CSMD3: variants seen among roughly 807,000 people sequenced by gnomAD.
CSMD3 encodes CUB and sushi domain-containing protein 3.
Under a neutral mutation model 435.2 loss-of-function variants are expected in CSMD3, and 177 were observed. The ratio of observed to expected loss-of-function variants is 0.41; its 90% CI spans 0.36 to 0.46. CSMD3 has a LOEUF of 0.46. Among genes scored for constraint, CSMD3 ranks in the 20% least tolerant of loss-of-function variants. CSMD3 has a pLI of 0.34. For missense variants in CSMD3, 4,265 were observed against 4,504.6 expected (o/e 0.95, Z 1.52); for synonymous variants, 1,656 against 1,520.5 (o/e 1.09, Z -2.07).
intron 32 of CSMD3, among the ~76,000 whole-genome samples, chr8:112,469,716 C>T (rs1179704859): frequency 1.3e-5 from 2 of 152,116 alleles, no homozygotes; most frequent in Non-Finnish European, 2.9e-5. Context: ...GCTCACCTGC[C>T]ACTCACTTCC....
chr8:112,368,707 T>A (rs936878874), intron 38 of CSMD3, among the ~76,000 whole-genome samples: 3 of 152,124 alleles, frequency 2.0e-5, no homozygotes, highest in African/African-American at 7.2e-5. Context: ...GAGGAGGTTA[T>A]AAGTAGGGAT....
chr8:112,924,928 C>T (rs770043765), intron 9 of CSMD3, among the ~76,000 whole-genome samples: 9 of 152,056 alleles, frequency 5.9e-5, no homozygotes, highest in Non-Finnish European at 1.2e-4. Flanking sequence ...TCAGTTATTT[C>T]CCTCAGTTAG....
chr8:113,018,864 GAAT>G (rs2086573923), intron 6 of CSMD3, 200 bp downstream of exon 6: 1 of 576,982 alleles, frequency 1.7e-6, no homozygotes, highest in Non-Finnish European at 3.1e-6. Context: ...TCATTATTCT[GAAT>G]ATTATACTAT....
Position 112,457,603 on chromosome 8 carries a change from T to TA in CSMD3, c.5395+14987dup, listed in dbSNP as rs1482081144. On this transcript the variant is annotated intron_variant, in intron 32 of 70. Coordinates refer to ENST00000297405, the MANE Select transcript of CSMD3 (RefSeq NM_198123.2). ...TTATCCAGAGTTTTATCTAAATGTC[T>TA]AAAATGTAGAGAATGCCAGGCCAGA... is the stretch of plus-strand genomic sequence containing the variant. Among the ~76,000 whole-genome samples, 5 of 152,168 alleles carry TA rather than the reference T, an allele frequency of 3.3e-5. No individual in the cohort carries two copies. In the East Asian group the frequency reaches 9.7e-4, roughly 29 times the overall value.
chr8:113,003,792 C>T (rs1424234785), intron 6 of CSMD3, among the ~76,000 whole-genome samples: 4 of 152,034 alleles, frequency 2.6e-5, no homozygotes, highest in Non-Finnish European at 5.9e-5. Flanking sequence ...AGCATTGCTA[C>T]TATCTTCAAC....
chr8:112,823,616 T>C (rs988357780), intron 12 of CSMD3, among the ~76,000 whole-genome samples: 5 of 152,216 alleles, frequency 3.3e-5, no homozygotes, highest in African/African-American at 9.6e-5. Context: ...TCAGTTTCCA[T>C]GTAGTTGTGT....
chr8:112,695,180 T>C (rs992771259), intron 13 of CSMD3, among the ~76,000 whole-genome samples: 1 of 152,204 alleles, frequency 6.6e-6, no homozygotes, highest in African/African-American at 2.4e-5. Flanking sequence ...TCCTCTGTTA[T>C]CCACTAGCAC....
intron 22 of CSMD3, among the ~76,000 whole-genome samples, chr8:112,636,197 G>A (rs568365854): frequency 1.1e-3 from 160 of 152,004 alleles, no homozygotes; most frequent in Non-Finnish European, 2.0e-3. Flanking sequence ...GATTGAGATG[G>A]TGACTTCACG....
At chr8:112,593,718 G>A (rs151008779) in intron 22 of CSMD3, among the ~76,000 whole-genome samples, 1 of 152,254 alleles carries the variant, frequency 6.6e-6, no homozygotes, top group East Asian at 1.9e-4. Context: ...AAAGAAGGTA[G>A]TATCATGGAA....
intron 4 of CSMD3, among the ~76,000 whole-genome samples, chr8:113,145,226 T>C (rs538556541): frequency 4.6e-5 from 7 of 151,652 alleles, no homozygotes; most frequent in South Asian, 4.2e-4. Flanking sequence ...TTGAAGGCTA[T>C]TGTAAAGACT....
In CSMD3 at chr8:112,766,635, C is replaced by T. The variant is rs1020272567; in HGVS notation, c.1972+33527G>A. On this transcript the variant is annotated intron_variant, in intron 13 of 70. Transcript: ENST00000297405. The stretch of plus-strand genomic sequence containing the variant: ...TAACTATAATTCAGTGGACAATAAA[C>T]GGTAAAAGCAAAACCCTGAGAAAGC... Among the ~76,000 whole-genome samples, 35 of 151,752 alleles carry T rather than the reference C, an allele frequency of 2.3e-4. 1 individual carries two copies. The highest frequency in any genetic ancestry group is 1.9e-3 in the Admixed American group (29 of 15,174).
chr8:112,244,495 A>T lies in CSMD3; in HGVS notation c.10301T>A (p.Leu3434Gln), dbSNP rs2130112267. ...GMDLPSHGYT[L>Q]IYTCQPGFFL... ...GAAGCCAGGCTGACAGGTATAAATC[A>T]GTGTATACCCATGAGATGGAAGGTC... Residue 3434 changes from leucine to glutamine, a missense_variant, in exon 65 of 71, where the codon CTG (leucine) becomes CAG (glutamine). Leu to Gln is a moderately radical substitution (Grantham distance 113). Transcript: ENST00000297405. 6.2e-7 allele frequency: 1 copy of T among 1,612,400 alleles called. No homozygotes were observed. The highest frequency in any genetic ancestry group is 8.5e-7 in the Non-Finnish European group (1 of 1,178,430).
At chr8:113,131,737 C>T (rs7828518) in intron 4 of CSMD3, among the ~76,000 whole-genome samples, 102,205 of 152,020 alleles carry the variant, frequency 0.67, 35,948 homozygotes, top group East Asian at 0.95. Context: ...CACCCTAAAA[C>T]TGTAGATCCA....
At chr8:112,935,938 G>C (rs2083269524) in intron 9 of CSMD3, among the ~76,000 whole-genome samples, 1 of 152,054 alleles carries the variant, frequency 6.6e-6, no homozygotes, top group Non-Finnish European at 1.5e-5. Flanking sequence ...CATTAGGAAG[G>C]TTTCAGTTGA....
At chr8:112,226,212 A>G (rs1812545210) in intron 70 of CSMD3, among the ~76,000 whole-genome samples, 1 of 152,178 alleles carries the variant, frequency 6.6e-6, no homozygotes. Flanking sequence ...GAGAAAGCTA[A>G]TAACTTGCTC....
chr8:112,885,364 GTATA>G (rs5894114), intron 10 of CSMD3, among the ~76,000 whole-genome samples: 6 of 148,640 alleles, frequency 4.0e-5, no homozygotes, highest in East Asian at 4.0e-4. Flanking sequence ...CAAATAGCCA[GTATA>G]TATATATATA....
At chr8:113,355,000 T>A (rs2094212479) in intron 1 of CSMD3, among the ~76,000 whole-genome samples, 1 of 152,182 alleles carries the variant, frequency 6.6e-6, no homozygotes, top group Admixed American at 6.5e-5. Context: ...TTGTCAAGTC[T>A]TCTCCATCTC....
At chr8:112,311,781 A>G (rs1326332739) in intron 49 of CSMD3, among the ~76,000 whole-genome samples, 1 of 152,190 alleles carries the variant, frequency 6.6e-6, no homozygotes, top group Non-Finnish European at 1.5e-5. Context: ...ACTGTCAAAT[A>G]GCTTTTTCAT....
chr8:112,692,848 C>A (rs927305499), intron 13 of CSMD3, among the ~76,000 whole-genome samples: 12 of 152,006 alleles, frequency 7.9e-5, no homozygotes, highest in Non-Finnish European at 1.5e-4. Flanking sequence ...TATTATAATT[C>A]TTCTATTTTA....
Sources: gnomAD v4.1 joint callset for allele counts (sites outside exome capture counted in the v4.1 genomes callset) on GRCh38, gnomAD v4.1.1 for gene constraint, MANE v1.5 for transcripts, NCBI Gene and HGNC (gene_info 2026-07-23, HGNC 2026-07-21) for gene names.